The following WDFY2 variants were observed in gnomAD, a reference collection of about 807,000 sequenced individuals.
The protein encoded by WDFY2 is WD repeat and FYVE domain containing 2.
Under a neutral mutation model 56.4 loss-of-function variants are expected in WDFY2, and 36 were observed. That is an observed-to-expected ratio of 0.64 (90% CI 0.49 to 0.84). The LOEUF is 0.84. Ranked by LOEUF, WDFY2 falls within the 40% of genes least tolerant of loss-of-function variation. The pLI, the probability that WDFY2 is intolerant of heterozygous loss-of-function variation, is 0.00. For missense variants in WDFY2, 444 were observed against 512.2 expected (o/e 0.87, Z 1.29); for synonymous variants, 176 against 183.7 (o/e 0.96, Z 0.34).
chr13:51,595,552 G>A (rs1347564497), intron 1 of WDFY2, among the ~76,000 whole-genome samples: 2 of 152,194 alleles, frequency 1.3e-5, no homozygotes, highest in African/African-American at 2.4e-5. Flanking sequence ...CTCTGAGCTG[G>A]CCATGAGAGG....
intron 1 of WDFY2, among the ~76,000 whole-genome samples, chr13:51,624,694 G>A (rs1236809000): frequency 6.6e-6 from 1 of 152,156 alleles, no homozygotes; most frequent in East Asian, 1.9e-4. Context: ...TATGAGTTGG[G>A]GAGGAGGTGA....
chr13:51,585,257 G>A (rs1386598754), intron 1 of WDFY2, among the ~76,000 whole-genome samples: 3 of 152,230 alleles, frequency 2.0e-5, no homozygotes, highest in Non-Finnish European at 4.4e-5. Context: ...GGTTTCAAAC[G>A]GAGAAAGCAA....
intron 7 of WDFY2, among the ~76,000 whole-genome samples, chr13:51,746,860 C>T (rs572672106): frequency 5.3e-5 from 8 of 152,312 alleles, no homozygotes. Context: ...TCATTCAGTT[C>T]TATGAATGAA....
chr13:51,648,651 T>C (rs995298899), intron 1 of WDFY2, among the ~76,000 whole-genome samples: 5 of 152,100 alleles, frequency 3.3e-5, no homozygotes, highest in African/African-American at 7.2e-5. Flanking sequence ...GATGGGTCAG[T>C]AGGTACAGCA....
chr13:51,732,406 C>T (rs1213546400), intron 6 of WDFY2, among the ~76,000 whole-genome samples: 2 of 152,186 alleles, frequency 1.3e-5, no homozygotes. Flanking sequence ...AGGCATGAGC[C>T]ACCGTACGTG....
At chr13:51,682,498 A>G (rs1204973276) in intron 3 of WDFY2, among the ~76,000 whole-genome samples, 1 of 152,194 alleles carries the variant, frequency 6.6e-6, no homozygotes, top group Non-Finnish European at 1.5e-5. Context: ...GAGCGAGTAA[A>G]TGAATGAATA....
chr13:51,721,166 G>T (rs767707419), intron 5 of WDFY2, among the ~76,000 whole-genome samples: 7 of 152,142 alleles, frequency 4.6e-5, no homozygotes, highest in Non-Finnish European at 7.4e-5. Context: ...TTTTACAGAT[G>T]AGCTGGCTGA....
At position 51,761,400 on chromosome 13, in the gene WDFY2, TG is replaced by T. The variant is rs1344680503; in HGVS notation, c.*1632del. ...TAATGGCAAGCCTGCGCCAGGTGCC[TG>T]CCCCTCCTAAGCACTTTACACGCAC... On this transcript the variant is annotated 3_prime_UTR_variant, in exon 12 of 12. Coordinates refer to ENST00000298125, the MANE Select transcript of WDFY2 (RefSeq NM_052950.4). The T allele has an allele frequency of 2.0e-5, 3 of 152,190 alleles. No individual in the cohort carries two copies. Among genetic ancestry groups the T allele is most frequent in the African/African-American group, 7.2e-5 (3 of 41,456 alleles). 9.4% of individuals were successfully genotyped at this position (152,190 alleles called of 1,614,324 possible).
At chr13:51,680,279 T>C (rs1955955802) in intron 3 of WDFY2, among the ~76,000 whole-genome samples, 1 of 152,012 alleles carries the variant, frequency 6.6e-6, no homozygotes, top group East Asian at 1.9e-4. Context: ...TGTTTTGGCT[T>C]TTTTCGTAGA....
intron 1 of WDFY2, among the ~76,000 whole-genome samples, chr13:51,599,896 C>CAAAAAAAA (rs755365759): frequency 7.2e-6 from 1 of 139,666 alleles, no homozygotes; most frequent in Non-Finnish European, 1.6e-5. Flanking sequence ...AACAAACAAA[C>CAAAAAAAA]AAAAAAAAAA....
rs1291858223 is a variant in WDFY2 at position 51,708,342 on chromosome 13, A to T, written c.334+4692A>T. On this transcript the variant is annotated intron_variant, in intron 4 of 11. Coordinates refer to ENST00000298125, the MANE Select transcript of WDFY2 (RefSeq NM_052950.4). ...CCCCATCTCTAAAAAAAAAAAAAAA[A>T]TACCAATTAGCCTGTAGTCTCAGCT... Among the ~76,000 whole-genome samples the T allele has an allele frequency of 2.9e-5, 4 of 137,288 alleles. No homozygotes were observed. In the Admixed American group the frequency reaches 2.9e-4, roughly 10 times the overall value. 90.1% of individuals were successfully genotyped at this position (137,288 alleles called of 152,430 possible). A position where few individuals can be genotyped will look rare whatever the true frequency, so the allele number is the denominator to read the frequency against.
At chr13:51,606,654 A>C (rs1334547427) in intron 1 of WDFY2, among the ~76,000 whole-genome samples, 1 of 152,144 alleles carries the variant, frequency 6.6e-6, no homozygotes, top group Non-Finnish European at 1.5e-5. Flanking sequence ...GTAATAAGTA[A>C]ATATTATTGT....
At chr13:51,703,259 C>G (rs957221578) in intron 3 of WDFY2, among the ~76,000 whole-genome samples, 3 of 152,088 alleles carry the variant, frequency 2.0e-5, no homozygotes, top group African/African-American at 7.2e-5. Context: ...CTGGTTAGAG[C>G]CTTGCAAATT....
chr13:51,738,991 C>T (rs1952903236), intron 6 of WDFY2, 58 bp from the exon 7 acceptor site: 3 of 1,427,092 alleles, frequency 2.1e-6, no homozygotes, highest in South Asian at 3.4e-5. Flanking sequence ...ATTCACATTT[C>T]TTTTGTGGGT....
At chr13:51,711,180 A>C (rs926837677) in intron 4 of WDFY2, among the ~76,000 whole-genome samples, 2 of 152,170 alleles carry the variant, frequency 1.3e-5, no homozygotes, top group Non-Finnish European at 2.9e-5. Flanking sequence ...CAAAAACAAG[A>C]AATGGGGAAA....
At chr13:51,648,775 G>A (rs112124028) in intron 1 of WDFY2, among the ~76,000 whole-genome samples, 2,034 of 152,164 alleles carry the variant, frequency 0.013, 55 homozygotes, top group African/African-American at 0.047. Context: ...CTACAGAATA[G>A]GGCTGATATT....
At chr13:51,595,150 ATC>A (rs1459879389) in intron 1 of WDFY2, among the ~76,000 whole-genome samples, 2 of 152,050 alleles carry the variant, frequency 1.3e-5, no homozygotes, top group African/African-American at 4.8e-5. Flanking sequence ...GCAGGCTTCT[ATC>A]TCTCTCTTCA....
At chr13:51,599,987 C>T (rs926494831) in intron 1 of WDFY2, among the ~76,000 whole-genome samples, 1 of 152,058 alleles carries the variant, frequency 6.6e-6, no homozygotes, top group Non-Finnish European at 1.5e-5. Flanking sequence ...CAAAAACCTT[C>T]TTCCTTCCTC....
chr13:51,704,287 CT>C (rs1657740853), intron 4 of WDFY2, among the ~76,000 whole-genome samples: 2 of 152,098 alleles, frequency 1.3e-5, no homozygotes, highest in African/African-American at 4.8e-5. Flanking sequence ...GCATTAAGTT[CT>C]TTATTTTAAA....
Sources: gnomAD v4.1 joint callset for allele counts (sites outside exome capture counted in the v4.1 genomes callset) on GRCh38, gnomAD v4.1.1 for gene constraint, MANE v1.5 for transcripts, NCBI Gene and HGNC (gene_info 2026-07-23, HGNC 2026-07-21) for gene names.